PNPLA7: variants seen among roughly 807,000 people sequenced by gnomAD.
PNPLA7 encodes patatin-like phospholipase domain-containing protein 7.
Under a neutral mutation model 161.7 loss-of-function variants are expected in PNPLA7, and 153 were observed. The observed-to-expected ratio is 0.95, with a 90% CI of 0.83 to 1.08. The LOEUF (loss-of-function observed/expected upper bound fraction) is 1.08, where lower values mean the gene tolerates loss of function less well. Among genes scored for constraint, PNPLA7 ranks in the 50% least tolerant of loss-of-function variants. The pLI, the probability that PNPLA7 is intolerant of heterozygous loss-of-function variation, is 0.00. For synonymous variants in PNPLA7, 809 were observed against 782.1 expected (o/e 1.03, Z -0.57); for missense variants, 1,739 against 1,856.6 (o/e 0.94, Z 1.16).
intron 20 of PNPLA7, among the ~76,000 whole-genome samples, chr9:137,492,528 A>C (rs1338631642): frequency 2.7e-5 from 2 of 73,652 alleles, no homozygotes; most frequent in African/African-American, 1.1e-4. Flanking sequence ...GGGCTCCAGC[A>C]CAGGGCGGGG....
At chr9:137,480,760 TG>T in intron 22 of PNPLA7, 199 bp downstream of exon 22, 3 of 752,508 alleles carry the variant, frequency 4.0e-6, no homozygotes, top group Non-Finnish European at 4.3e-6. Flanking sequence ...TGGGGTCCCC[TG>T]GGAGGCCTGA....
intron 8 of PNPLA7, among the ~76,000 whole-genome samples, chr9:137,532,690 T>C (rs181443300): frequency 1.4e-4 from 22 of 152,268 alleles, no homozygotes; most frequent in Admixed American, 1.1e-3. Flanking sequence ...TGGTCCTCAC[T>C]GCAGAGCCAG....
chr9:137,498,111 C>T lies in PNPLA7; in HGVS notation c.1889+3G>A. On this transcript the variant is annotated splice_donor_region_variant and intron_variant, in intron 17 of 34. Coordinates refer to ENST00000406427, the MANE Select transcript of PNPLA7 (RefSeq NM_001098537.3). The stretch of plus-strand genomic sequence containing the variant: ...GCGGAGTGTGTGGCACCCACGGCCT[C>T]ACCTGTATATTGCTCGCCCGGCCTC... 6.2e-7 allele frequency: 1 copy of T among 1,612,744 alleles called. No homozygotes were observed. Among genetic ancestry groups the T allele is most frequent in the Non-Finnish European group, 8.5e-7 (1 of 1,179,820 alleles).
chr9:137,534,528 A>G (rs147323081), intron 8 of PNPLA7, among the ~76,000 whole-genome samples: 1 of 152,346 alleles, frequency 6.6e-6, no homozygotes, highest in East Asian at 1.9e-4. Flanking sequence ...CAGTGCCACC[A>G]CAGCAGAACA....
At chr9:137,497,101 T>A in intron 18 of PNPLA7, 86 bp downstream of exon 18, 3 of 1,320,760 alleles carry the variant, frequency 2.3e-6, no homozygotes, top group Non-Finnish European at 2.9e-6. Flanking sequence ...CCCAAGTAAC[T>A]GGCCAGGCCA....
At chr9:137,538,938 G>C (rs973483717) in intron 8 of PNPLA7, among the ~76,000 whole-genome samples, 4 of 152,166 alleles carry the variant, frequency 2.6e-5, no homozygotes, top group Non-Finnish European at 4.4e-5. Context: ...TGTAATCCCA[G>C]GTACTCAGGA....
At chr9:137,501,624 G>T (rs753256255) in intron 15 of PNPLA7, 26 bp downstream of exon 15, 7 of 1,603,814 alleles carry the variant, frequency 4.4e-6, no homozygotes, top group Non-Finnish European at 6.0e-6. Context: ...GGTGGTCCCA[G>T]TGCCCCCCCC....
At chr9:137,513,190 C>T (rs1055618681) in intron 12 of PNPLA7, among the ~76,000 whole-genome samples, 2 of 151,956 alleles carry the variant, frequency 1.3e-5, no homozygotes, top group Non-Finnish European at 2.9e-5. Flanking sequence ...AAACTAAAAG[C>T]TAATAAAAAT....
At chr9:137,528,012 T>C (rs1835385439) in intron 8 of PNPLA7, among the ~76,000 whole-genome samples, 2 of 152,238 alleles carry the variant, frequency 1.3e-5, no homozygotes, top group South Asian at 4.1e-4. Flanking sequence ...TTAATCTGCG[T>C]GGCTGATTTT....
intron 19 of PNPLA7, among the ~76,000 whole-genome samples, chr9:137,493,299 G>A (rs765196359): frequency 1.3e-5 from 2 of 152,174 alleles, no homozygotes; most frequent in Non-Finnish European, 1.5e-5. Context: ...TAAGCCATAC[G>A]GCTGCCTTTC....
Position 137,531,719 on chromosome 9 carries a change from A to G in PNPLA7, c.748-8862T>C, listed in dbSNP as rs946636637. On this transcript the variant is annotated intron_variant, in intron 8 of 34. Coordinates refer to ENST00000406427, the MANE Select transcript of PNPLA7 (RefSeq NM_001098537.3). ...GAGGAATCCTGGTGTGATGCCATTT[A>G]TGAGATTTAGAGTCAAGCAAAATTA... Among the ~76,000 whole-genome samples, 4 of 152,208 alleles carry G rather than the reference A, an allele frequency of 2.6e-5. No individual in the cohort carries two copies. In the South Asian group the frequency reaches 8.3e-4, roughly 31 times the overall value.
chr9:137,461,490 G>C (rs762398574), intron 33 of PNPLA7, 46 bp downstream of exon 33: 23 of 1,556,346 alleles, frequency 1.5e-5, no homozygotes, highest in Non-Finnish European at 2.0e-5. Flanking sequence ...CACAGCATCA[G>C]GAGGTCACGC....
chr9:137,502,839 G>A (rs1392317685), intron 14 of PNPLA7, among the ~76,000 whole-genome samples: 1 of 147,066 alleles, frequency 6.8e-6, no homozygotes, highest in Admixed American at 6.9e-5. Flanking sequence ...AAGGATTACT[G>A]TTAAGTATTC....
rs982396463 is a variant in PNPLA7 at position 137,490,391 on chromosome 9, G to A, written c.2197+2622C>T. On this transcript the variant is annotated intron_variant, in intron 20 of 34. Transcript: ENST00000406427. This position sits in a 1 kb window ranked among gnomAD's most constrained non-coding sequence, Gnocchi z 4.1. ...GGATGAGGTGTAAGACACTGTGCCT[G>A]GTCAAAACATTCTTGAACACAGCTA... Among the ~76,000 whole-genome samples the A allele has an allele frequency of 1.3e-5, 2 of 152,142 alleles. No homozygotes were observed. Among genetic ancestry groups the A allele is most frequent in the Non-Finnish European group, 2.9e-5 (2 of 68,032 alleles).
rs190460423 is a variant in PNPLA7, at chr9:137,546,954, G to A, written c.194-45C>T. Reference sequence around the variant, plus strand: ...TGGCCTGAGGTAGAGCCGTGGCACAGGCCTGGTCCTGGACATGCAGGTGCA... The same window carrying A: ...TGGCCTGAGGTAGAGCCGTGGCACAAGCCTGGTCCTGGACATGCAGGTGCA... On this transcript the variant is annotated intron_variant, in intron 3 of 34. Coordinates refer to ENST00000406427, the MANE Select transcript of PNPLA7 (RefSeq NM_001098537.3). 476 of 1,583,612 alleles carry A rather than the reference G, an allele frequency of 3.0e-4. 3 individuals carry two copies. In the Admixed American group the frequency reaches 7.8e-3, roughly 26 times the overall value.
rs138198496 is a variant in PNPLA7, at chr9:137,484,728, G to A, written c.2206C>T (p.Leu736Phe). The A allele has an allele frequency of 1.2e-5, 19 of 1,608,852 alleles. No homozygotes were observed. The African/African-American group carries it at 2.5e-4, about 21-fold the overall frequency. ...TTGCTGCCCTCCGTGGGGAGCCCAA[G>A]CTGGTGGCCTGTGGAGCAAAGGACC... is the stretch of plus-strand genomic sequence containing the variant. Reference protein sequence around the residue: ...LQQGPVTGHQLGLPTEGSKWD... With the variant: ...LQQGPVTGHQFGLPTEGSKWD... Residue 736 changes from leucine to phenylalanine, a missense_variant, in exon 21 of 35, where the codon CTT (leucine) becomes TTT (phenylalanine). Coordinates refer to ENST00000406427, the MANE Select transcript of PNPLA7 (RefSeq NM_001098537.3).
Position 137,541,066 on chromosome 9 carries a change from C to T in PNPLA7, c.667-344G>A, listed in dbSNP as rs922513448. Reference sequence around the variant, plus strand: ...GAGGACCGATTCAGTTATTACCAGCCTAAATTCCAGAACTTTGATATAATT... The same window carrying T: ...GAGGACCGATTCAGTTATTACCAGCTTAAATTCCAGAACTTTGATATAATT... On this transcript the variant is annotated intron_variant, in intron 7 of 34. Coordinates refer to ENST00000406427, the MANE Select transcript of PNPLA7 (RefSeq NM_001098537.3). This position sits in a 1 kb window ranked among gnomAD's most constrained non-coding sequence, Gnocchi z 4.4. Among the ~76,000 whole-genome samples, 1 of 152,136 alleles carries T rather than the reference C, an allele frequency of 6.6e-6. No homozygotes were observed. The highest frequency in any genetic ancestry group is 6.5e-5 in the Admixed American group (1 of 15,282).
At position 137,541,730 on chromosome 9, in the gene PNPLA7, G is replaced by A. The variant is rs556712411; in HGVS notation, c.666+912C>T. Reference sequence around the variant, plus strand: ...ACCCCCGAGCAGCGATTCAAAGGGTGGAATTTAACAGAGGCAGGAAACAAG... The same window carrying A: ...ACCCCCGAGCAGCGATTCAAAGGGTAGAATTTAACAGAGGCAGGAAACAAG... On this transcript the variant is annotated intron_variant, in intron 7 of 34. Transcript: ENST00000406427. The surrounding 1 kb of genome is among the most constrained non-coding windows in gnomAD (Gnocchi z 4.4). 1.3e-5 allele frequency among the ~76,000 whole-genome samples: 2 copies of A among 152,342 alleles called. No homozygotes were observed. Among genetic ancestry groups the A allele is most frequent in the East Asian group, 3.9e-4 (2 of 5,190 alleles).
intron 25 of PNPLA7, 23 bp downstream of exon 25, chr9:137,478,011 G>A (rs1267153837): frequency 7.1e-7 from 1 of 1,401,028 alleles, no homozygotes; most frequent in South Asian, 1.7e-5. Context: ...AGTGAGGAGT[G>A]TGTAGGAAGC....
Sources: gnomAD v4.1 joint callset for allele counts (sites outside exome capture counted in the v4.1 genomes callset) on GRCh38, gnomAD v4.1.1 for gene constraint, Gnocchi (gnomAD v3.1) non-coding constraint, MANE v1.5 for transcripts, NCBI Gene and HGNC (gene_info 2026-07-23, HGNC 2026-07-21) for gene names.